Variants in RGS17 observed in about 807,000 individuals in gnomAD.
RGS17 encodes regulator of G-protein signaling 17.
In RGS17, 12 loss-of-function variants were observed where a neutral mutation model predicts 25.5. The observed-to-expected ratio is 0.47, with a 90% CI of 0.30 to 0.76. The LOEUF is 0.76. Among genes scored for constraint, RGS17 ranks in the 30% least tolerant of loss-of-function variants. RGS17 has a pLI of 0.07. For missense variants in RGS17, 196 were observed against 242.2 expected, an observed-to-expected ratio of 0.81 and a Z score of 1.27; for synonymous variants, 71 against 76.9, an observed-to-expected ratio of 0.92 and a Z score of 0.40.
chr6:153,073,922 T>C (rs1437780777), intron 1 of RGS17, among the ~76,000 whole-genome samples: 1 of 152,190 alleles, frequency 6.6e-6, no homozygotes, highest in East Asian at 1.9e-4. Flanking sequence ...CCTCAGGTTC[T>C]GTGTACTGAT....
At chr6:153,056,995 C>T (rs964784556) in intron 1 of RGS17, among the ~76,000 whole-genome samples, 5 of 151,832 alleles carry the variant, frequency 3.3e-5, no homozygotes, top group Non-Finnish European at 5.9e-5. Context: ...TTTCCCAAGG[C>T]AGAGATTTGG....
intron 4 of RGS17, among the ~76,000 whole-genome samples, chr6:153,022,343 C>CATCA (rs1242757980): frequency 6.6e-6 from 1 of 152,144 alleles, no homozygotes; most frequent in Admixed American, 6.6e-5. Flanking sequence ...TACAAAGCTC[C>CATCA]ATCAATCAGT....
chr6:153,088,859 T>A (rs1034289171), intron 1 of RGS17, among the ~76,000 whole-genome samples: 6 of 152,194 alleles, frequency 3.9e-5, no homozygotes, highest in African/African-American at 1.2e-4. Flanking sequence ...GATAGTACCA[T>A]GTATTTTTAG....
At chr6:153,100,233 A>T (rs1399600380) in intron 1 of RGS17, among the ~76,000 whole-genome samples, 1 of 152,198 alleles carries the variant, frequency 6.6e-6, no homozygotes, top group Non-Finnish European at 1.5e-5. Flanking sequence ...ATGTGCACAT[A>T]CTGCCACGTT....
At chr6:153,125,859 A>T (rs1027061233) in intron 1 of RGS17, among the ~76,000 whole-genome samples, 7 of 152,178 alleles carry the variant, frequency 4.6e-5, no homozygotes, top group African/African-American at 1.7e-4. Context: ...AACAAAACAA[A>T]AACATTTATA....
chr6:153,030,860 A>G (rs974577201), intron 2 of RGS17, among the ~76,000 whole-genome samples: 4 of 152,214 alleles, frequency 2.6e-5, no homozygotes, highest in Admixed American at 2.6e-4. Flanking sequence ...ATCACATGGC[A>G]TTGTGATAAG....
At position 153,008,539 on chromosome 6, in the gene RGS17, A is replaced by T. The variant is rs1252974260; in HGVS notation, c.*3035T>A. 1 of 152,214 alleles carries T rather than the reference A, an allele frequency of 6.6e-6. No individual in the cohort carries two copies. Among genetic ancestry groups the T allele is most frequent in the Non-Finnish European group, 1.5e-5 (1 of 68,022 alleles). 9.4% of individuals were successfully genotyped at this position (152,214 alleles called of 1,614,324 possible). A position where few individuals can be genotyped will look rare whatever the true frequency, so the allele number is the denominator to read the frequency against. On this transcript the variant is annotated 3_prime_UTR_variant, in exon 5 of 5. Transcript: ENST00000206262. ...ATGTACAAGATCAATCTCTGAAGAA[A>T]TCTGGCTCTCCAATTTATTTATATA...
intron 2 of RGS17, among the ~76,000 whole-genome samples, chr6:153,031,563 C>T (rs1279309684): frequency 6.6e-6 from 1 of 152,188 alleles, no homozygotes; most frequent in Non-Finnish European, 1.5e-5. Context: ...GGTTGACTTA[C>T]ACAATACCCA....
At chr6:153,098,808 A>G (rs1584156302) in intron 1 of RGS17, among the ~76,000 whole-genome samples, 2 of 152,334 alleles carry the variant, frequency 1.3e-5, no homozygotes, top group East Asian at 3.9e-4. Context: ...TAAGAATACT[A>G]TCATTCTATG....
intron 3 of RGS17, 46 bp downstream of exon 3, chr6:153,026,408 G>T: frequency 7.3e-7 from 1 of 1,371,162 alleles, no homozygotes; most frequent in Non-Finnish European, 1.0e-6. Context: ...TGATGTAAAT[G>T]GCATATAAAT....
At chr6:153,123,739 T>C (rs1400108607) in intron 1 of RGS17, among the ~76,000 whole-genome samples, 1 of 152,178 alleles carries the variant, frequency 6.6e-6, no homozygotes, top group African/African-American at 2.4e-5. Flanking sequence ...TGCTAGTGCA[T>C]GGGAAATGTG....
At chr6:153,122,729 A>G (rs1288805788) in intron 1 of RGS17, among the ~76,000 whole-genome samples, 2 of 152,114 alleles carry the variant, frequency 1.3e-5, no homozygotes, top group African/African-American at 4.8e-5. Flanking sequence ...CTAAAATTAC[A>G]TAAAATATGA....
At chr6:153,040,749 AAAT>A (rs1441305023) in intron 2 of RGS17, among the ~76,000 whole-genome samples, 4 of 152,160 alleles carry the variant, frequency 2.6e-5, no homozygotes, top group East Asian at 1.9e-4. Context: ...TGAAGTATAA[AAAT>A]AATAATATTT....
intron 1 of RGS17, among the ~76,000 whole-genome samples, chr6:153,070,229 T>G (rs557737365): frequency 6.6e-6 from 1 of 151,998 alleles, no homozygotes; most frequent in East Asian, 1.9e-4. Context: ...TTTTCTTTTT[T>G]GGTGGGGGTG....
chr6:153,126,847 G>A (rs1235743406), intron 1 of RGS17, among the ~76,000 whole-genome samples: 1 of 152,128 alleles, frequency 6.6e-6, no homozygotes, highest in Non-Finnish European at 1.5e-5. Context: ...CATTCATAAG[G>A]TGAACTATAT....
At chr6:153,083,837 G>T (rs949734033) in intron 1 of RGS17, among the ~76,000 whole-genome samples, 2 of 152,174 alleles carry the variant, frequency 1.3e-5, no homozygotes, top group Non-Finnish European at 2.9e-5. Context: ...AACAATGTCA[G>T]TTTTGCCACA....
In RGS17 at chr6:153,026,451, C is replaced by T. The variant is rs1779302662; in HGVS notation, c.209+3G>A. On this transcript the variant is annotated splice_donor_region_variant and intron_variant, in intron 3 of 4. Transcript: ENST00000206262. ...ACAATAGCTATGTGGTTCTCACACT[C>T]ACCATTCCTCTAGGACCTGGATACT... 6.2e-7 allele frequency: 1 copy of T among 1,607,054 alleles called. No homozygotes were observed. The highest frequency in any genetic ancestry group is 8.5e-7 in the Non-Finnish European group (1 of 1,174,282).
intron 2 of RGS17, among the ~76,000 whole-genome samples, chr6:153,034,655 G>A (rs1562316452): frequency 6.6e-6 from 1 of 152,120 alleles, no homozygotes; most frequent in Non-Finnish European, 1.5e-5. Flanking sequence ...ATGTACTCAG[G>A]TCTGTAAAAT....
At chr6:153,114,147 G>T (rs540417546) in intron 1 of RGS17, among the ~76,000 whole-genome samples, 1 of 152,176 alleles carries the variant, frequency 6.6e-6, no homozygotes, top group African/African-American at 2.4e-5. Context: ...CCAGGAACTG[G>T]TTTTTTTAAA....
Sources: allele counts gnomAD v4.1 joint callset (sites outside exome capture counted in the v4.1 genomes callset), GRCh38; gene constraint gnomAD v4.1.1; transcripts MANE v1.5; gene names NCBI Gene and HGNC (gene_info 2026-07-23, HGNC 2026-07-21).